Variants in PARD3 observed in about 807,000 individuals in gnomAD.
PARD3 encodes the protein par-3 family cell polarity regulator.
PARD3 carries 75 observed loss-of-function variants against 155.4 expected under a neutral mutation model. The observed-to-expected ratio is 0.48, with a 90% confidence interval of 0.40 to 0.58. PARD3 has a LOEUF of 0.58. PARD3 is among the 20% of genes least tolerant of loss of function. The probability of loss-of-function intolerance (pLI) is 0.00; values close to 1 mark genes in which losing one functional copy is unlikely to be tolerated. For synonymous variants in PARD3, 576 were observed against 610.5 expected, an observed-to-expected ratio of 0.94 and a Z score of 0.83; for missense variants, 1,642 against 1,721.7, an observed-to-expected ratio of 0.95 and a Z score of 0.82.
At chr10:34,790,453 C>G (rs574242796) in intron 1 of PARD3, among the ~76,000 whole-genome samples, 116 of 152,324 alleles carry the variant, frequency 7.6e-4, no homozygotes, top group Admixed American at 1.2e-3. Flanking sequence ...CAACTCTGCT[C>G]TCCCCCTGAT....
At chr10:34,363,421 C>T (rs1839651051) in intron 12 of PARD3, among the ~76,000 whole-genome samples, 1 of 152,144 alleles carries the variant, frequency 6.6e-6, no homozygotes, top group Non-Finnish European at 1.5e-5. Flanking sequence ...TGATGTGAAA[C>T]ATTGTATGTT....
intron 2 of PARD3, among the ~76,000 whole-genome samples, chr10:34,690,613 A>C (rs1054781792): frequency 6.6e-6 from 1 of 152,154 alleles, no homozygotes; most frequent in African/African-American, 2.4e-5. Context: ...CCAAACTTCC[A>C]CAACAGGTTA....
intron 2 of PARD3, among the ~76,000 whole-genome samples, chr10:34,652,529 T>C (rs570818427): frequency 8.5e-4 from 129 of 152,294 alleles, no homozygotes; most frequent in Non-Finnish European, 1.7e-3. Flanking sequence ...AGAGATGTGA[T>C]AGAAATACGA....
At chr10:34,176,364 T>C (rs1378652037) in intron 22 of PARD3, among the ~76,000 whole-genome samples, 1 of 152,198 alleles carries the variant, frequency 6.6e-6, no homozygotes, top group African/African-American at 2.4e-5. Context: ...GGAATGAGTA[T>C]AAATAAAACG....
At chr10:34,359,918 A>C (rs1164680558) in intron 13 of PARD3, among the ~76,000 whole-genome samples, 153 bp downstream of exon 13, 1 of 152,244 alleles carries the variant, frequency 6.6e-6, no homozygotes, top group African/African-American at 2.4e-5. Context: ...CCCACGTGAC[A>C]CATCACTGAT....
chr10:34,794,109 G>T (rs371126269), intron 1 of PARD3, among the ~76,000 whole-genome samples: 1 of 152,058 alleles, frequency 6.6e-6, no homozygotes, highest in Non-Finnish European at 1.5e-5. Context: ...CAGTCAGCGG[G>T]GGGTGGGGGT....
chr10:34,724,602 A>AAT (rs1009012916), intron 1 of PARD3, among the ~76,000 whole-genome samples: 1 of 152,244 alleles, frequency 6.6e-6, no homozygotes, highest in African/African-American at 2.4e-5. Context: ...TACTATAGTG[A>AAT]ATATATATAA....
intron 1 of PARD3, among the ~76,000 whole-genome samples, chr10:34,759,087 T>C (rs371668420): frequency 2.7e-5 from 4 of 150,516 alleles, no homozygotes; most frequent in Non-Finnish European, 4.4e-5. Context: ...CTTCCAGTAA[T>C]CAAAATTCAA....
At chr10:34,142,258 G>A (rs1326395371) in intron 22 of PARD3, among the ~76,000 whole-genome samples, 1 of 152,102 alleles carries the variant, frequency 6.6e-6, no homozygotes, top group African/African-American at 2.4e-5. Context: ...AAAATAAAAT[G>A]TTGGCTGGGT....
chr10:34,250,621 A>C (rs1412291773), intron 22 of PARD3, among the ~76,000 whole-genome samples: 1 of 151,978 alleles, frequency 6.6e-6, no homozygotes, highest in Non-Finnish European at 1.5e-5. Context: ...AAAAGAAAAA[A>C]AAGTAAGCCC....
At chr10:34,185,355 A>G (rs1031567966) in intron 22 of PARD3, among the ~76,000 whole-genome samples, 2 of 152,212 alleles carry the variant, frequency 1.3e-5, no homozygotes, top group African/African-American at 2.4e-5. Context: ...GCTGTCTTTC[A>G]TATCCTGTCA....
chr10:34,442,098 T>A (rs972957891), intron 5 of PARD3, among the ~76,000 whole-genome samples: 1 of 152,228 alleles, frequency 6.6e-6, no homozygotes, highest in Non-Finnish European at 1.5e-5. Flanking sequence ...TGCCAACTGG[T>A]AAATAATAAT....
At chr10:34,695,477 CAAAAAAAAAAA>C (rs60331770) in intron 2 of PARD3, among the ~76,000 whole-genome samples, 1 of 109,564 alleles carries the variant, frequency 9.1e-6, no homozygotes, top group African/African-American at 3.5e-5. Flanking sequence ...GACTCCATCT[CAAAAAAAAAAA>C]AAAAAAAGAA....
intron 22 of PARD3, among the ~76,000 whole-genome samples, chr10:34,252,418 C>A (rs1228461811): frequency 3.9e-5 from 6 of 152,148 alleles, no homozygotes; most frequent in Non-Finnish European, 8.8e-5. Context: ...TTCCCCGTTG[C>A]TCTCCTTGGA....
At chr10:34,296,177 A>C (rs1200167919) in intron 20 of PARD3, among the ~76,000 whole-genome samples, 1 of 152,210 alleles carries the variant, frequency 6.6e-6, no homozygotes, top group Non-Finnish European at 1.5e-5. Flanking sequence ...TCATGAAGTA[A>C]ACTATATTAT....
intron 2 of PARD3, among the ~76,000 whole-genome samples, chr10:34,589,701 T>A (rs1028587349): frequency 8.6e-6 from 1 of 116,378 alleles, no homozygotes; most frequent in African/African-American, 3.3e-5. Context: ...TTGGACAACA[T>A]CCATGAACTC....
chr10:34,611,833 G>C (rs542392298), intron 2 of PARD3, among the ~76,000 whole-genome samples: 15 of 141,114 alleles, frequency 1.1e-4, no homozygotes, highest in African/African-American at 3.2e-4. Context: ...TTTTTGAGGC[G>C]GAGTCTTGCT....
intron 3 of PARD3, among the ~76,000 whole-genome samples, chr10:34,470,824 A>G (rs2078301875): frequency 6.6e-6 from 1 of 152,218 alleles, no homozygotes; most frequent in Admixed American, 6.5e-5. Flanking sequence ...GAATCTATAT[A>G]GTTAACAAAT....
chr10:34,756,722 G>C (rs1399806297), intron 1 of PARD3, among the ~76,000 whole-genome samples: 1 of 151,938 alleles, frequency 6.6e-6, no homozygotes, highest in Non-Finnish European at 1.5e-5. Context: ...CTTAAGTCTG[G>C]GATTACAGGT....
Sources: allele counts gnomAD v4.1 joint callset (sites outside exome capture counted in the v4.1 genomes callset), GRCh38; gene constraint gnomAD v4.1.1; transcripts MANE v1.5; gene names NCBI Gene and HGNC (gene_info 2026-07-23, HGNC 2026-07-21).